SLC12A6: variants seen among roughly 807,000 people sequenced by gnomAD.
SLC12A6 encodes K-Cl cotransporter 3.
A neutral mutation model predicts 135.3 loss-of-function variants in SLC12A6; 66 were observed. The observed-to-expected ratio is 0.49, with a 90% CI of 0.40 to 0.60. The LOEUF is 0.60. Among genes scored for constraint, SLC12A6 ranks in the 20% least tolerant of loss-of-function variants. The pLI, the probability that SLC12A6 is intolerant of heterozygous loss-of-function variation, is 0.00. For synonymous variants in SLC12A6, 513 were observed against 508.8 expected, an observed-to-expected ratio of 1.01 and a Z score of -0.11; for missense variants, 1,058 against 1,452.3, an observed-to-expected ratio of 0.73 and a Z score of 4.41.
chr15:34,252,565 C>T (rs1380456878), intron 9 of SLC12A6, among the ~76,000 whole-genome samples, 181 bp from the exon 10 acceptor site: 1 of 152,156 alleles, frequency 6.6e-6, no homozygotes, highest in Non-Finnish European at 1.5e-5. Context: ...TGGTGACTTA[C>T]ATTTTCTGCC....
chr15:34,315,680 T>C (rs1888591656), intron 2 of SLC12A6, among the ~76,000 whole-genome samples: 1 of 152,108 alleles, frequency 6.6e-6, no homozygotes, highest in Non-Finnish European at 1.5e-5. Context: ...TTATATGCAG[T>C]GGGAAGTCAA....
At position 34,238,212 on chromosome 15, in the gene SLC12A6, A is replaced by C. The variant is rs751558912; in HGVS notation, c.2802+20T>G. 5.6e-6 allele frequency: 9 copies of C among 1,592,990 alleles called. No individual in the cohort carries two copies. In the South Asian group the frequency reaches 9.9e-5, roughly 18 times the overall value. Reference sequence around the variant, plus strand: ...CAGAAGGGAGAAAGACTTTTGTAAAAAAAAAGTTGTATAAAATACCTTGTG... The same window carrying C: ...CAGAAGGGAGAAAGACTTTTGTAAACAAAAAGTTGTATAAAATACCTTGTG... On this transcript the variant is annotated intron_variant, in intron 21 of 25. Transcript: ENST00000354181.
intron 2 of SLC12A6, among the ~76,000 whole-genome samples, chr15:34,316,977 G>A (rs778187048): frequency 1.3e-5 from 2 of 152,156 alleles, no homozygotes; most frequent in African/African-American, 4.8e-5. Context: ...AGCAAAGAAG[G>A]TGCAGCTTCA....
intron 2 of SLC12A6, among the ~76,000 whole-genome samples, chr15:34,280,549 A>G (rs1894606390): frequency 6.6e-6 from 1 of 152,222 alleles, no homozygotes; most frequent in Non-Finnish European, 1.5e-5. Context: ...AAACTAAGAT[A>G]GTTAAAGATG....
intron 2 of SLC12A6, among the ~76,000 whole-genome samples, chr15:34,284,564 G>A (rs1379827644): frequency 2.0e-5 from 3 of 152,134 alleles, no homozygotes; most frequent in Non-Finnish European, 2.9e-5. Flanking sequence ...GAGCCACTGC[G>A]CCTGGCCCAT....
chr15:34,255,863 G>A (rs955517313), intron 7 of SLC12A6, among the ~76,000 whole-genome samples: 1 of 151,878 alleles, frequency 6.6e-6, no homozygotes, highest in African/African-American at 2.4e-5. Context: ...CAGCTACTCA[G>A]GAGGCTGAAG....
At chr15:34,275,983 A>C (rs1238054011) in intron 2 of SLC12A6, among the ~76,000 whole-genome samples, 1 of 152,168 alleles carries the variant, frequency 6.6e-6, no homozygotes, top group Non-Finnish European at 1.5e-5. Context: ...TATTGCTTAA[A>C]GAGTACAGCG....
Position 34,258,820 on chromosome 15 carries a change from G to A in SLC12A6, c.536C>T (p.Pro179Leu), listed in dbSNP as rs1892925980. ...GTTATTCTGAGGCCTCACCTTGGTG[G>A]GCTTCTTTTTCCCTTCAGTGATGTT... is the stretch of plus-strand genomic sequence containing the variant. ...AENITEGKKK[P>L]TKTPQMGTFM... The change falls in exon 5 of 26, where the codon CCC becomes CTC. Residue 179 changes from proline to leucine, a missense_variant. Coordinates refer to ENST00000354181, the MANE Select transcript of SLC12A6 (RefSeq NM_001365088.1). 6.2e-7 allele frequency: 1 copy of A among 1,613,076 alleles called. No homozygotes were observed. The highest frequency in any genetic ancestry group is 2.2e-5 in the East Asian group (1 of 44,874).
At position 34,232,182 on chromosome 15, in the gene SLC12A6, C is replaced by G. The variant is rs981623279; in HGVS notation, c.*1699G>C. 3.3e-5 allele frequency: 5 copies of G among 152,170 alleles called. No homozygotes were observed. Among genetic ancestry groups the G allele is most frequent in the African/African-American group, 1.2e-4 (5 of 41,436 alleles). The allele number at this position is 152,170 out of a possible 1,614,324, so 9.4% of individuals were successfully genotyped here. On this transcript the variant is annotated 3_prime_UTR_variant, in exon 26 of 26. Coordinates refer to ENST00000354181, the MANE Select transcript of SLC12A6 (RefSeq NM_001365088.1). ...TATGCTTGTAAGCCAGATGTTTGAT[C>G]AGTATATTAGTAAATAAAAAGCTGA...
At chr15:34,259,210 C>A (rs1351731281) in intron 4 of SLC12A6, among the ~76,000 whole-genome samples, 1 of 151,988 alleles carries the variant, frequency 6.6e-6, no homozygotes, top group East Asian at 1.9e-4. Flanking sequence ...TGTGGTGGCA[C>A]GTGCCTGTAA....
At chr15:34,279,849 A>G (rs774455147) in intron 2 of SLC12A6, among the ~76,000 whole-genome samples, 4 of 152,248 alleles carry the variant, frequency 2.6e-5, no homozygotes, top group Admixed American at 6.5e-5. Context: ...CTATATACCT[A>G]TTAAAAACAG....
intron 3 of SLC12A6, among the ~76,000 whole-genome samples, chr15:34,269,795 T>TAGGG (rs2140855625): frequency 6.6e-6 from 1 of 151,860 alleles, no homozygotes; most frequent in Admixed American, 6.6e-5. Flanking sequence ...TCTAGGAGGG[T>TAGGG]AGGGAGGAAA....
At chr15:34,245,979 C>A in intron 13 of SLC12A6, 112 bp from the exon 14 acceptor site, 1 of 818,804 alleles carries the variant, frequency 1.2e-6, no homozygotes, top group Non-Finnish European at 2.1e-6. Context: ...GTCACCCAGG[C>A]TAGAGTGCAG....
intron 2 of SLC12A6, among the ~76,000 whole-genome samples, chr15:34,313,134 C>T (rs1888378735): frequency 1.3e-5 from 2 of 152,186 alleles, no homozygotes; most frequent in African/African-American, 4.8e-5. Context: ...CTCTCACTTT[C>T]AATCAAAAGC....
intron 14 of SLC12A6, 43 bp from the exon 15 acceptor site, chr15:34,245,446 A>T: frequency 8.7e-7 from 1 of 1,144,350 alleles, no homozygotes; most frequent in Non-Finnish European, 1.3e-6. Context: ...GTACTGAGTC[A>T]TTGCTCTCTG....
intron 3 of SLC12A6, among the ~76,000 whole-genome samples, chr15:34,266,645 T>C (rs1048704923): frequency 6.6e-6 from 1 of 152,176 alleles, no homozygotes; most frequent in Non-Finnish European, 1.5e-5. Context: ...TTTTGCTATG[T>C]TGCCTCGTAT....
chr15:34,264,371 C>A (rs1298166273), intron 3 of SLC12A6, among the ~76,000 whole-genome samples: 3 of 152,128 alleles, frequency 2.0e-5, no homozygotes, highest in Non-Finnish European at 4.4e-5. Flanking sequence ...GAAGTTGAAT[C>A]TAATCAAGCC....
At position 34,258,925 on chromosome 15, in the gene SLC12A6, G is replaced by A. The variant is rs745582258; in HGVS notation, c.431C>T (p.Pro144Leu). 1 of 1,609,728 alleles carries A rather than the reference G, an allele frequency of 6.2e-7. No individual in the cohort carries two copies. The highest frequency in any genetic ancestry group is 8.5e-7 in the Non-Finnish European group (1 of 1,176,034). ...ALFEEEMDTR[P>L]KVSSLLNRMA... ...GCGGTTGAGGAGGGAAGACACCTTC[G>A]GTCTGGTGTCCATTTCTTCCTATAA... The change falls in exon 5 of 26, where the codon CCG (proline) becomes CTG (leucine). Residue 144 changes from proline to leucine, a missense_variant. This residue lies in a region of SLC12A6 where 139 missense variants were observed against 202.2 expected (regional missense o/e 0.69). Transcript: ENST00000354181.
chr15:34,257,577 A>T, intron 6 of SLC12A6, 65 bp downstream of exon 6: 1 of 1,200,434 alleles, frequency 8.3e-7, no homozygotes, highest in Non-Finnish European at 1.2e-6. Flanking sequence ...CAAAGAGGTC[A>T]TGTGCATCTG....
Sources: allele counts gnomAD v4.1 joint callset (sites outside exome capture counted in the v4.1 genomes callset), GRCh38; gene constraint gnomAD v4.1.1; regional missense constraint gnomAD v4.1.1; transcripts MANE v1.5; gene names NCBI Gene and HGNC (gene_info 2026-07-23, HGNC 2026-07-21).